Variants in SDCCAG8 observed in about 807,000 individuals in gnomAD.
SDCCAG8 encodes SHH signaling and ciliogenesis regulator SDCCAG8.
SDCCAG8 carries 74 observed loss-of-function variants against 101.8 expected under a neutral mutation model. That is an observed-to-expected ratio of 0.73 (90% CI 0.60 to 0.88). SDCCAG8 has a LOEUF of 0.88. Among genes scored for constraint, SDCCAG8 ranks in the 40% least tolerant of loss-of-function variants. SDCCAG8 has a pLI of 0.00. For synonymous variants in SDCCAG8, 281 were observed against 292.9 expected (o/e 0.96, Z 0.41); for missense variants, 787 against 822.6 (o/e 0.96, Z 0.53).
chr1:243,465,391 A>G (rs1189815948), intron 16 of SDCCAG8, among the ~76,000 whole-genome samples: 1 of 152,252 alleles, frequency 6.6e-6, no homozygotes, highest in African/African-American at 2.4e-5. Flanking sequence ...GAACAGCAAC[A>G]GGCCAATGGG....
intron 12 of SDCCAG8, among the ~76,000 whole-genome samples, chr1:243,375,334 T>G (rs1558377499): frequency 2.0e-5 from 3 of 152,180 alleles, no homozygotes; most frequent in Non-Finnish European, 4.4e-5. Context: ...TTCCTTGTTA[T>G]GAGCCATTTA....
intron 7 of SDCCAG8, chr1:243,305,671 A>G (rs2072022820): frequency 6.6e-6 from 1 of 152,240 alleles, no homozygotes; most frequent in Non-Finnish European, 1.5e-5. Context: ...AGTAGTAATG[A>G]AGTAATTTTA....
intron 16 of SDCCAG8, among the ~76,000 whole-genome samples, chr1:243,431,464 G>T (rs182180166): frequency 3.3e-5 from 5 of 152,250 alleles, no homozygotes; most frequent in Admixed American, 3.3e-4. Flanking sequence ...AAGCTGGTTT[G>T]GGGTTGAGAT....
chr1:243,285,092 A>G lies in SDCCAG8; in HGVS notation c.421-1180A>G, dbSNP rs140259639. ...GAGATGGGGTTTCACCGTATTGGCC[A>G]GGCTGGTCTTGAACCCCTGACCTCA... On this transcript the variant is annotated intron_variant, in intron 4 of 17. Transcript: ENST00000366541. Among the ~76,000 whole-genome samples the G allele has an allele frequency of 3.7e-3, 557 of 152,252 alleles. 1 individual carries two copies. The highest frequency in any genetic ancestry group is 0.013 in the African/African-American group (529 of 41,538).
intron 9 of SDCCAG8, among the ~76,000 whole-genome samples, chr1:243,319,374 T>G (rs962685655): frequency 2.6e-5 from 4 of 152,172 alleles, no homozygotes; most frequent in East Asian, 1.9e-4. Flanking sequence ...TATTTTTATT[T>G]TTATTATCAT....
intron 3 of SDCCAG8, among the ~76,000 whole-genome samples, chr1:243,272,255 C>T (rs1429102934): frequency 6.6e-6 from 1 of 152,170 alleles, no homozygotes; most frequent in Admixed American, 6.5e-5. Context: ...TAGTTCAATA[C>T]AATGCCTGTA....
chr1:243,306,649 A>C (rs999822355), intron 7 of SDCCAG8: 3 of 152,104 alleles, frequency 2.0e-5, no homozygotes, highest in African/African-American at 7.2e-5. Context: ...GGACCCTTTG[A>C]CTTTGGAATG....
intron 16 of SDCCAG8, among the ~76,000 whole-genome samples, chr1:243,470,164 G>A (rs930470749): frequency 2.0e-5 from 3 of 152,154 alleles, no homozygotes; most frequent in Non-Finnish European, 2.9e-5. Flanking sequence ...AGCCACCAAC[G>A]AGGCTGTCCC....
intron 4 of SDCCAG8, among the ~76,000 whole-genome samples, chr1:243,281,287 G>A (rs372028932): frequency 7.4e-6 from 1 of 135,898 alleles, no homozygotes; most frequent in African/African-American, 2.7e-5. Flanking sequence ...TTTTTTTTTT[G>A]TTTTGAGATT....
chr1:243,338,925 TG>T (rs2075204183), intron 10 of SDCCAG8: 1 of 153,466 alleles, frequency 6.5e-6, no homozygotes. Flanking sequence ...TGCCGTGTAA[TG>T]TTGACTTCCA....
intron 13 of SDCCAG8, among the ~76,000 whole-genome samples, chr1:243,397,586 T>C (rs1185749868): frequency 7.2e-6 from 1 of 138,796 alleles, no homozygotes; most frequent in Non-Finnish European, 1.6e-5. Context: ...TCTAAGAAAT[T>C]TGCAATGTTA....
At chr1:243,482,004 A>G (rs1663850742) in intron 16 of SDCCAG8, among the ~76,000 whole-genome samples, 2 of 152,206 alleles carry the variant, frequency 1.3e-5, no homozygotes, top group Admixed American at 6.5e-5. Context: ...ACAAGTGTTC[A>G]TTTGGTTATT....
chr1:243,478,854 A>G (rs1662923987), intron 16 of SDCCAG8, among the ~76,000 whole-genome samples: 1 of 149,510 alleles, frequency 6.7e-6, no homozygotes, highest in African/African-American at 2.5e-5. Flanking sequence ...GCTACTCGGG[A>G]GGCTGAGGCA....
Position 243,348,202 on chromosome 1 carries a change from A to ATT in SDCCAG8, c.1473+3891_1473+3892dup, listed in dbSNP as rs74162279. 9.9e-3 allele frequency among the ~76,000 whole-genome samples: 1,299 copies of ATT among 131,606 alleles called. 18 individuals carry two copies. Among genetic ancestry groups the ATT allele is most frequent in the African/African-American group, 0.033 (1,094 of 32,824 alleles). The allele number at this position is 131,606 out of a possible 152,430, so 86.3% of individuals were successfully genotyped here. ...AGGCGCCCACGACCACGCCCGGCTA[A>ATT]TTTTTTTTTTTTTTTTTTTTTGTAT... On this transcript the variant is annotated intron_variant, in intron 12 of 17. Coordinates refer to ENST00000366541, the MANE Select transcript of SDCCAG8 (RefSeq NM_006642.5).
At chr1:243,473,924 G>GGGGGGGGGGGGGGGGGGGGGGT (rs1661768099) in intron 16 of SDCCAG8, among the ~76,000 whole-genome samples, 1 of 104,526 alleles carries the variant, frequency 9.6e-6, no homozygotes, top group African/African-American at 3.9e-5. Flanking sequence ...GTTGCCGGCG[G>GGGGGGGGGGGGGGGGGGGGGGT]GGGGGGGGGG....
chr1:243,488,581 T>G, intron 16 of SDCCAG8: 1 of 223,872 alleles, frequency 4.5e-6, no homozygotes, highest in Non-Finnish European at 9.0e-6. Context: ...ATTGACTGAG[T>G]GATTAATAAT....
At chr1:243,358,748 G>A (rs773756285) in intron 12 of SDCCAG8, among the ~76,000 whole-genome samples, 2 of 152,112 alleles carry the variant, frequency 1.3e-5, no homozygotes, top group Non-Finnish European at 2.9e-5. Context: ...TGGGGTGTGT[G>A]TATATAGATA....
At chr1:243,261,237 G>A (rs1200264767) in intron 1 of SDCCAG8, among the ~76,000 whole-genome samples, 7 of 151,814 alleles carry the variant, frequency 4.6e-5, no homozygotes, top group Admixed American at 4.6e-4. Flanking sequence ...AGGAAGCCAA[G>A]CAAAACACAC....
In SDCCAG8 at chr1:243,499,999, G is replaced by C; in HGVS notation, c.*214G>C. 1 of 595,580 alleles carries C rather than the reference G, an allele frequency of 1.7e-6. No homozygotes were observed. The allele number at this position is 595,580 out of a possible 1,614,324, so 36.9% of individuals were successfully genotyped here. On this transcript the variant is annotated 3_prime_UTR_variant, in exon 18 of 18. Transcript: ENST00000366541. ...TAGCTGAGCAGAGCTCCTGGTGTAT[G>C]TTTTCAGAAATGGCTTGAAGTTATG...
Sources: gnomAD v4.1 joint callset for allele counts (sites outside exome capture counted in the v4.1 genomes callset) on GRCh38, gnomAD v4.1.1 for gene constraint, MANE v1.5 for transcripts, NCBI Gene and HGNC (gene_info 2026-07-23, HGNC 2026-07-21) for gene names.